The following SCAF8 variants were observed in gnomAD, a reference collection of about 807,000 sequenced individuals.
The protein encoded by SCAF8 is SR-related and CTD-associated factor 8.
In SCAF8, 23 loss-of-function variants were observed where a neutral mutation model predicts 140.5. That is an observed-to-expected ratio of 0.16 (90% CI 0.12 to 0.23). The LOEUF (loss-of-function observed/expected upper bound fraction) is 0.23. SCAF8 is among the 10% of genes least tolerant of loss of function. The pLI, the probability that SCAF8 is intolerant of heterozygous loss-of-function variation, is 1.00. For synonymous variants in SCAF8, 575 were observed against 528.9 expected (o/e 1.09, Z -1.20); for missense variants, 1,397 against 1,555.7 (o/e 0.90, Z 1.72).
At position 154,789,482 on chromosome 6, in the gene SCAF8, G is replaced by C. The variant is rs1335049591; in HGVS notation, c.321+1460G>C. On this transcript the variant is annotated intron_variant, in intron 4 of 19. Transcript: ENST00000367178. ...ATACTCCTTGAGACAGAAAGTTTTT[G>C]ATTTTTGTTTTTAATTACCTTAGTA... Among the ~76,000 whole-genome samples, 3 of 151,068 alleles carry C rather than the reference G, an allele frequency of 2.0e-5. No individual in the cohort carries two copies. The South Asian group carries it at 6.3e-4, about 32-fold the overall frequency.
At chr6:154,776,674 T>A (rs1156942354) in intron 2 of SCAF8, among the ~76,000 whole-genome samples, 1 of 152,236 alleles carries the variant, frequency 6.6e-6, no homozygotes, top group East Asian at 1.9e-4. Context: ...CTTTTTTACT[T>A]AAGTAACTTA....
At position 154,831,996 on chromosome 6, in the gene SCAF8, T is replaced by C. The variant is rs1778755527; in HGVS notation, c.2417T>C (p.Val806Ala). 6.2e-7 allele frequency: 1 copy of C among 1,613,460 alleles called. No homozygotes were observed. The highest frequency in any genetic ancestry group is 1.3e-5 in the African/African-American group (1 of 74,884). The stretch of plus-strand genomic sequence containing the variant: ...ATTTTAGGAGGACAGCCGCCAAATG[T>C]GACAAGCAATTCTGGAATTCTGGGA... ...AAILGGQPPN[V>A]TSNSGILGVQ... Residue 806 changes from valine (V) to alanine (A), a missense_variant, in exon 20 of 20, where the codon GTG becomes GCG. By Grantham distance (64) the Val-to-Ala change is moderately conservative (BLOSUM62 0). This residue lies in a region of SCAF8 where 930 missense variants were observed against 874.6 expected (regional missense o/e 1.06). Coordinates refer to ENST00000367178, the MANE Select transcript of SCAF8 (RefSeq NM_014892.5).
intron 1 of SCAF8, among the ~76,000 whole-genome samples, chr6:154,750,324 C>T (rs1778808242): frequency 6.6e-6 from 1 of 151,954 alleles, no homozygotes; most frequent in African/African-American, 2.4e-5. Context: ...GGGTTGGGTA[C>T]CTGGAGAAAA....
At chr6:154,738,688 G>A (rs1331364479) in intron 1 of SCAF8, among the ~76,000 whole-genome samples, 1 of 152,240 alleles carries the variant, frequency 6.6e-6, no homozygotes, top group Non-Finnish European at 1.5e-5. Flanking sequence ...GCTGCTCTAA[G>A]ATGGTGGCGC....
At chr6:154,831,882 A>C in intron 19 of SCAF8, 57 bp from the exon 20 acceptor site, 1 of 1,466,232 alleles carries the variant, frequency 6.8e-7, no homozygotes, top group South Asian at 1.4e-5. Context: ...TTAAGCTAAA[A>C]TTATTGGAAA....
chr6:154,818,650 T>TG, intron 14 of SCAF8, 58 bp downstream of exon 14: 1 of 770,564 alleles, frequency 1.3e-6, no homozygotes, highest in Non-Finnish European at 2.2e-6. Flanking sequence ...ATGTCTGTTA[T>TG]GTTAAAGTCT....
intron 6 of SCAF8, among the ~76,000 whole-genome samples, chr6:154,799,894 C>G (rs2114894778): frequency 6.6e-6 from 1 of 151,340 alleles, no homozygotes; most frequent in East Asian, 1.9e-4. Flanking sequence ...AAGCAATTCT[C>G]TTGCCTCAGC....
intron 4 of SCAF8, among the ~76,000 whole-genome samples, chr6:154,792,088 G>A (rs1777436861): frequency 6.6e-6 from 1 of 152,022 alleles, no homozygotes; most frequent in Non-Finnish European, 1.5e-5. Context: ...TCATACAGAG[G>A]ATGATTCATC....
chr6:154,758,553 G>A (rs908427985), intron 1 of SCAF8, among the ~76,000 whole-genome samples: 2 of 152,078 alleles, frequency 1.3e-5, no homozygotes, highest in African/African-American at 4.8e-5. Flanking sequence ...ACAAAACTAG[G>A]GGATCCTCTT....
At chr6:154,805,584 T>C in intron 9 of SCAF8, 98 bp downstream of exon 9, 1 of 505,162 alleles carries the variant, frequency 2.0e-6, no homozygotes, top group Non-Finnish European at 3.5e-6. Flanking sequence ...TAATTGGTCT[T>C]AATAGAATAT....
chr6:154,805,616 A>T, intron 9 of SCAF8, 130 bp downstream of exon 9: 1 of 429,686 alleles, frequency 2.3e-6, no homozygotes. Flanking sequence ...TTTAGCTTTT[A>T]CCAGCTACTT....
At chr6:154,807,236 A>G (rs1317108993) in intron 9 of SCAF8, among the ~76,000 whole-genome samples, 3 of 152,210 alleles carry the variant, frequency 2.0e-5, no homozygotes, top group Non-Finnish European at 2.9e-5. Flanking sequence ...TCACCTACCA[A>G]AAAGAGAGAA....
chr6:154,831,513 C>G (rs1335231913), intron 19 of SCAF8, among the ~76,000 whole-genome samples: 1 of 151,758 alleles, frequency 6.6e-6, no homozygotes, highest in Non-Finnish European at 1.5e-5. Flanking sequence ...TAGGTATTAT[C>G]CAGCTAGCTC....
At chr6:154,827,014 G>A (rs1245504577) in intron 17 of SCAF8, among the ~76,000 whole-genome samples, 158 bp from the exon 18 acceptor site, 3 of 152,042 alleles carry the variant, frequency 2.0e-5, no homozygotes, top group South Asian at 2.1e-4. Flanking sequence ...ATAAGGCAGC[G>A]TATATAAAAG....
At chr6:154,758,490 G>T (rs189422008) in intron 1 of SCAF8, among the ~76,000 whole-genome samples, 1 of 152,078 alleles carries the variant, frequency 6.6e-6, no homozygotes, top group African/African-American at 2.4e-5. Context: ...TGCTTCTTTG[G>T]GTCTGTTTCA....
At chr6:154,782,503 A>G (rs901664784) in intron 3 of SCAF8, among the ~76,000 whole-genome samples, 4 of 152,206 alleles carry the variant, frequency 2.6e-5, no homozygotes, top group African/African-American at 9.6e-5. Context: ...AGGAAACTTC[A>G]GAAGACAGGT....
At chr6:154,742,225 T>G (rs1272451487) in intron 1 of SCAF8, among the ~76,000 whole-genome samples, 1 of 152,192 alleles carries the variant, frequency 6.6e-6, no homozygotes, top group South Asian at 2.1e-4. Context: ...AAAAAAGTTT[T>G]ATGCTCAATA....
In SCAF8 at chr6:154,797,929, A is replaced by G. The variant is rs939209527; in HGVS notation, c.606+2790A>G. Among the ~76,000 whole-genome samples, 9 of 151,314 alleles carry G rather than the reference A, an allele frequency of 5.9e-5. 1 individual carries two copies. The South Asian group carries it at 6.2e-4, about 10-fold the overall frequency. On this transcript the variant is annotated intron_variant, in intron 6 of 19. Coordinates refer to ENST00000367178, the MANE Select transcript of SCAF8 (RefSeq NM_014892.5). ...TTTTACTTTATCATCTACTTCTCCA[A>G]TTTTCATACGTCTCACCCTTCACTA...
At chr6:154,803,764 T>C (rs1327095405) in intron 8 of SCAF8, 141 bp downstream of exon 8, 7 of 605,774 alleles carry the variant, frequency 1.2e-5, no homozygotes, top group South Asian at 2.1e-5. Flanking sequence ...GGTAGAGATA[T>C]GTCTTGTTGT....
Sources: gnomAD v4.1 joint callset for allele counts (sites outside exome capture counted in the v4.1 genomes callset) on GRCh38, gnomAD v4.1.1 for gene constraint, gnomAD v4.1.1 regional missense constraint, MANE v1.5 for transcripts, NCBI Gene and HGNC (gene_info 2026-07-23, HGNC 2026-07-21) for gene names.